Variants in NGF observed in about 807,000 individuals in gnomAD.
The protein encoded by NGF is nerve growth factor, also known as beta-nerve growth factor.
In NGF, 4 loss-of-function variants were observed where a neutral mutation model predicts 12.8. The ratio of observed to expected loss-of-function variants is 0.31; its 90% confidence interval spans 0.15 to 0.72. NGF has a LOEUF of 0.72. NGF is among the 30% of genes least tolerant of loss of function. The pLI is 0.69. For synonymous variants in NGF, 140 were observed against 130.0 expected (o/e 1.08, Z -0.52); for missense variants, 283 against 330.8 (o/e 0.86, Z 1.12).
chr1:115,314,604 C>G (rs553508812), intron 1 of NGF, among the ~76,000 whole-genome samples: 3 of 152,298 alleles, frequency 2.0e-5, no homozygotes, highest in African/African-American at 7.2e-5. Context: ...GCAGGAATTA[C>G]AGATGAATAA....
intron 1 of NGF, among the ~76,000 whole-genome samples, chr1:115,324,667 T>C (rs1246981201): frequency 6.6e-6 from 1 of 152,152 alleles, no homozygotes; most frequent in African/African-American, 2.4e-5. Context: ...TGTGGGTGCA[T>C]ATATGCTTGA....
At position 115,286,288 on chromosome 1, in the gene NGF, A is replaced by G. The variant is rs139541754; in HGVS notation, c.508T>C (p.Phe170Leu). Reference protein sequence around the residue: ...LGEVNINNSVFKQYFFETKCR... With the variant: ...LGEVNINNSVLKQYFFETKCR... ...TTGGTCTCAAAAAAGTACTGTTTGA[A>G]TACACTGTTGTTAATGTTCACCTCT... is the stretch of plus-strand genomic sequence containing the variant. The change falls in exon 3 of 3, where the codon TTC (phenylalanine) becomes CTC (leucine). Residue 170 changes from phenylalanine (F) to leucine (L), a missense_variant. Around this residue, in one of 2 missense-constraint regions of NGF, gnomAD observed 132 missense variants for 189.2 expected, o/e 0.70. Coordinates refer to ENST00000369512, the MANE Select transcript of NGF (RefSeq NM_002506.3). The G allele has an allele frequency of 2.5e-6, 4 of 1,613,974 alleles. No homozygotes were observed. The highest frequency in any genetic ancestry group is 3.4e-6 in the Non-Finnish European group (4 of 1,180,034).
chr1:115,318,478 AGGCCACAGCATAG>A, intron 1 of NGF, among the ~76,000 whole-genome samples: 1 of 152,320 alleles, frequency 6.6e-6, no homozygotes, highest in South Asian at 2.1e-4. Flanking sequence ...CTGTGCCGAC[AGGCCACAGCATAG>A]GGCGAAGGAG....
intron 1 of NGF, among the ~76,000 whole-genome samples, chr1:115,325,683 A>G (rs1382574324): frequency 1.3e-5 from 2 of 152,178 alleles, no homozygotes; most frequent in Admixed American, 6.5e-5. Context: ...AAGAAAAACA[A>G]CAGCAGAGGC....
At chr1:115,334,853 A>G (rs1655065435) in intron 1 of NGF, among the ~76,000 whole-genome samples, 1 of 152,200 alleles carries the variant, frequency 6.6e-6, no homozygotes, top group African/African-American at 2.4e-5. Flanking sequence ...GAAACAATAT[A>G]AATCCAATAT....
chr1:115,335,662 C>G (rs1655091806), intron 1 of NGF, among the ~76,000 whole-genome samples: 1 of 152,160 alleles, frequency 6.6e-6, no homozygotes, highest in Non-Finnish European at 1.5e-5. Flanking sequence ...AAGGCTTGCT[C>G]TAGACTCTGA....
In NGF at chr1:115,286,223, G is replaced by A. The variant is rs2101018467; in HGVS notation, c.573C>T (p.Gly191=). The change falls in exon 3 of 3, where the codon GGC becomes GGT. Residue 191 remains glycine (G), a synonymous_variant. Transcript: ENST00000369512. ...DPNPVDSGCR[G]IDSKHWNSYC... ...ATGAGTTCCAGTGCTTTGAGTCAAT[G>A]CCCCGGCACCCGCTGTCAACGGGAT... The A allele has an allele frequency of 1.2e-6, 2 of 1,614,160 alleles. No homozygotes were observed. The highest frequency in any genetic ancestry group is 1.7e-6 in the Non-Finnish European group (2 of 1,180,028).
At chr1:115,321,518 C>A (rs1654624431) in intron 1 of NGF, among the ~76,000 whole-genome samples, 2 of 150,786 alleles carry the variant, frequency 1.3e-5, no homozygotes, top group South Asian at 4.2e-4. Flanking sequence ...GACTGCAGTT[C>A]TTTAATGTTT....
chr1:115,337,261 G>GTTTTTGTTTGTT (rs1655139899), intron 1 of NGF, among the ~76,000 whole-genome samples: 1 of 11,758 alleles, frequency 8.5e-5, no homozygotes, highest in Non-Finnish European at 1.9e-4. Flanking sequence ...TTTTTGTTTT[G>GTTTTTGTTTGTT]TTTTTGTTTT....
chr1:115,310,614 T>C (rs1465302991), intron 1 of NGF, among the ~76,000 whole-genome samples: 1 of 152,172 alleles, frequency 6.6e-6, no homozygotes, highest in Non-Finnish European at 1.5e-5. Flanking sequence ...AATAAACTGA[T>C]AAATTTGTCC....
Position 115,286,531 on chromosome 1 carries a change from A to G in NGF, c.265T>C (p.Phe89Leu), listed in dbSNP as rs746169118. The G allele has an allele frequency of 5.0e-6, 8 of 1,614,190 alleles. No homozygotes were observed. In the Admixed American group the frequency reaches 1.3e-4, roughly 27 times the overall value. ...GCTTCACGGGGAGGCTGGGTGCTAA[A>G]CAGCACACGGGGTGAACGGAGTCGC... is the stretch of plus-strand genomic sequence containing the variant. ...KRRLRSPRVL[F>L]STQPPREAAD... The change falls in exon 3 of 3, where the codon TTT becomes CTT. Residue 89 changes from phenylalanine (F) to leucine (L), a missense_variant. By Grantham distance (22) the Phe-to-Leu change is conservative (BLOSUM62 0). Around this residue, in one of 2 missense-constraint regions of NGF, gnomAD observed 151 missense variants for 141.6 expected, o/e 1.07. Transcript: ENST00000369512.
At chr1:115,297,246 A>T (rs2101029408) in intron 1 of NGF, among the ~76,000 whole-genome samples, 1 of 152,344 alleles carries the variant, frequency 6.6e-6, no homozygotes, top group South Asian at 2.1e-4. Flanking sequence ...TAGTCACATA[A>T]GTTTAAGAAC....
intron 2 of NGF, among the ~76,000 whole-genome samples, chr1:115,290,748 T>G (rs1370540683): frequency 6.6e-6 from 1 of 152,142 alleles, no homozygotes; most frequent in Non-Finnish European, 1.5e-5. Context: ...TTGTATTCTT[T>G]TATCCTCCCT....
intron 2 of NGF, among the ~76,000 whole-genome samples, chr1:115,291,725 G>T (rs1653706809): frequency 6.6e-6 from 1 of 152,224 alleles, no homozygotes; most frequent in Non-Finnish European, 1.5e-5. Context: ...CTCGCACGAG[G>T]TGAATGATCT....
chr1:115,315,611 T>C (rs557119570), intron 1 of NGF, among the ~76,000 whole-genome samples: 1 of 152,278 alleles, frequency 6.6e-6, no homozygotes, highest in African/African-American at 2.4e-5. Flanking sequence ...GATACCTATA[T>C]ACTGAGATAG....
intron 1 of NGF, among the ~76,000 whole-genome samples, chr1:115,337,546 A>G (rs538161740): frequency 1.4e-4 from 21 of 151,502 alleles, no homozygotes; most frequent in Non-Finnish European, 2.9e-4. Flanking sequence ...AGGTTGTCCA[A>G]CGCGGCTCCG....
At chr1:115,301,932 C>A (rs953700350) in intron 1 of NGF, among the ~76,000 whole-genome samples, 1 of 152,160 alleles carries the variant, frequency 6.6e-6, no homozygotes, top group Non-Finnish European at 1.5e-5. Context: ...AAGGAGAATA[C>A]AACATGGATG....
chr1:115,300,632 C>T (rs1337576010), intron 1 of NGF, among the ~76,000 whole-genome samples: 1 of 152,250 alleles, frequency 6.6e-6, no homozygotes. Flanking sequence ...TGCTCTTCTG[C>T]AGTGACATTT....
At chr1:115,304,197 T>C (rs1336421948) in intron 1 of NGF, among the ~76,000 whole-genome samples, 1 of 151,932 alleles carries the variant, frequency 6.6e-6, no homozygotes, top group East Asian at 1.9e-4. Context: ...CGAGATGTAG[T>C]TTTTGCCCAG....
Sources: gnomAD v4.1 joint callset for allele counts (sites outside exome capture counted in the v4.1 genomes callset) on GRCh38, gnomAD v4.1.1 for gene constraint, gnomAD v4.1.1 regional missense constraint, MANE v1.5 for transcripts, NCBI Gene and HGNC (gene_info 2026-07-23, HGNC 2026-07-21) for gene names.